FARP1: variants seen among roughly 807,000 people sequenced by gnomAD.
FARP1 encodes the protein FERM, ARHGEF and pleckstrin domain-containing protein 1.
A neutral mutation model predicts 128.8 loss-of-function variants in FARP1; 52 were observed. The observed-to-expected ratio is 0.40, with a 90% confidence interval of 0.32 to 0.51. The LOEUF (loss-of-function observed/expected upper bound fraction) is 0.51. FARP1 is among the 20% of genes least tolerant of loss of function. The probability of loss-of-function intolerance (pLI) is 0.45; values close to 1 mark genes in which losing one functional copy is unlikely to be tolerated. For missense variants in FARP1, 1,333 were observed against 1,367.9 expected (o/e 0.97, Z 0.40); for synonymous variants, 580 against 551.8 (o/e 1.05, Z -0.72).
intron 2 of FARP1, among the ~76,000 whole-genome samples, chr13:98,317,444 TCTC>T (rs1886769660): frequency 6.6e-6 from 1 of 152,180 alleles, no homozygotes; most frequent in African/African-American, 2.4e-5. Flanking sequence ...TTTTGGGTGG[TCTC>T]CTTCCTTGTT....
Position 98,451,682 on chromosome 13 carries a change from C to G in FARP1, c.*3365C>G, listed in dbSNP as rs1004286915. On this transcript the variant is annotated 3_prime_UTR_variant, in exon 27 of 27. Transcript: ENST00000319562. The stretch of plus-strand genomic sequence containing the variant: ...TGCTTCCAAAAATCCTGTCTTAACT[C>G]CACAAGAACTGGCACACCCACGGGA... The G allele has an allele frequency of 1.4e-4, 21 of 152,238 alleles. No homozygotes were observed. The highest frequency in any genetic ancestry group is 5.1e-4 in the African/African-American group (21 of 41,440). The allele number at this position is 152,238 out of a possible 1,614,324, so 9.4% of individuals were successfully genotyped here.
At position 98,205,584 on chromosome 13, in the gene FARP1, G is replaced by A. The variant is rs189520374; in HGVS notation, c.-23-7636G>A. Among the ~76,000 whole-genome samples, 639 of 152,108 alleles carry A rather than the reference G, an allele frequency of 4.2e-3. 1 individual carries two copies. The highest frequency in any genetic ancestry group is 0.014 in the African/African-American group (582 of 41,522). On this transcript the variant is annotated intron_variant, in intron 1 of 26. Transcript: ENST00000319562. ...ATTTTTTTGTATTTTTAGTAGAGAC[G>A]GGGTTTCACTGTGTTAGCCAGGGTG... is the stretch of plus-strand genomic sequence containing the variant.
At chr13:98,447,010 C>T (rs1159001265) in intron 26 of FARP1, 193 bp downstream of exon 26, 1 of 594,136 alleles carries the variant, frequency 1.7e-6, no homozygotes, top group South Asian at 2.0e-5. Context: ...TCCCAACTTC[C>T]CTGCGCCCTT....
chr13:98,404,399 A>T (rs1890898497), intron 13 of FARP1: 1 of 131,842 alleles, frequency 7.6e-6, no homozygotes, highest in Admixed American at 7.2e-5. Context: ...AGCTTTGCGT[A>T]TTCCACTGAG....
intron 1 of FARP1, among the ~76,000 whole-genome samples, chr13:98,145,241 C>T (rs1379351143): frequency 6.6e-6 from 1 of 152,078 alleles, no homozygotes; most frequent in Non-Finnish European, 1.5e-5. Context: ...GGCTGTGCCT[C>T]CTAGGGGCAG....
intron 2 of FARP1, among the ~76,000 whole-genome samples, chr13:98,226,900 A>AC (rs1300073345): frequency 1.3e-5 from 2 of 151,516 alleles, no homozygotes; most frequent in African/African-American, 4.8e-5. Context: ...TTTGAAAGCT[A>AC]CCAGGAGCAC....
intron 2 of FARP1, among the ~76,000 whole-genome samples, chr13:98,222,144 T>C (rs1346482617): frequency 6.6e-6 from 1 of 152,234 alleles, no homozygotes; most frequent in East Asian, 1.9e-4. Flanking sequence ...TAGGTCTCTG[T>C]TTCCTCATTT....
chr13:98,206,718 T>C (rs1880294062), intron 1 of FARP1, among the ~76,000 whole-genome samples: 1 of 152,232 alleles, frequency 6.6e-6, no homozygotes, highest in Admixed American at 6.5e-5. Context: ...TTTTTTACCT[T>C]TTCTCTGGCG....
intron 1 of FARP1, among the ~76,000 whole-genome samples, chr13:98,169,129 A>C (rs1877478775): frequency 6.6e-6 from 1 of 152,132 alleles, no homozygotes; most frequent in African/African-American, 2.4e-5. Flanking sequence ...CTTTCAACTA[A>C]TTTGTACTGA....
At chr13:98,189,060 G>T (rs1879066272) in intron 1 of FARP1, among the ~76,000 whole-genome samples, 1 of 152,118 alleles carries the variant, frequency 6.6e-6, no homozygotes, top group African/African-American at 2.4e-5. Context: ...CTGTGATGCA[G>T]GTCACTTCCC....
At chr13:98,337,538 CGTGTGTGTGTGTGTGT>C (rs60625244) in intron 2 of FARP1, among the ~76,000 whole-genome samples, 2,387 of 132,080 alleles carry the variant, frequency 0.018, 65 homozygotes, top group African/African-American at 0.061. Flanking sequence ...TCTGTGTAGC[CGTGTGTGTGTGTGTGT>C]GTGTGTGTGT....
At chr13:98,256,990 T>C (rs866318678) in intron 2 of FARP1, among the ~76,000 whole-genome samples, 6 of 114,262 alleles carry the variant, frequency 5.3e-5, no homozygotes, top group East Asian at 2.8e-4. Flanking sequence ...TATATATATA[T>C]ACCGAAAGAT....
In FARP1 at chr13:98,438,752, C is replaced by T. The variant is rs946246426; in HGVS notation, c.2275-52C>T. 9 of 1,482,804 alleles carry T rather than the reference C, an allele frequency of 6.1e-6. No individual in the cohort carries two copies. The African/African-American group carries it at 1.2e-4, about 21-fold the overall frequency. The allele number at this position is 1,482,804 out of a possible 1,614,324, so 91.9% of individuals were successfully genotyped here. A position where few individuals can be genotyped will look rare whatever the true frequency, so the allele number is the denominator to read the frequency against. On this transcript the variant is annotated intron_variant, in intron 19 of 26. Coordinates refer to ENST00000319562, the MANE Select transcript of FARP1 (RefSeq NM_005766.4). ...TCGGGGTCTGCACACTGGCCGTCAG[C>T]CCTTGGGGTCCGCACGCTCGCAGCC... is the stretch of plus-strand genomic sequence containing the variant.
intron 2 of FARP1, among the ~76,000 whole-genome samples, chr13:98,224,760 G>A (rs1005051136): frequency 2.0e-5 from 3 of 151,996 alleles, no homozygotes; most frequent in East Asian, 1.9e-4. Context: ...GAAGAGCCAG[G>A]GCACCCTCTG....
chr13:98,421,799 G>A lies in FARP1; in HGVS notation c.1827-2773G>A, dbSNP rs1891604015. Among the ~76,000 whole-genome samples the A allele has an allele frequency of 2.0e-5, 3 of 152,016 alleles. No homozygotes were observed. In the South Asian group the frequency reaches 6.2e-4, roughly 31 times the overall value. Reference sequence around the variant, plus strand: ...GACCAGGAGTTGGAGGCTGCAGTGAGCTATGATGATACCACCACACTCCAC... The same window carrying A: ...GACCAGGAGTTGGAGGCTGCAGTGAACTATGATGATACCACCACACTCCAC... On this transcript the variant is annotated intron_variant, in intron 16 of 26. Transcript: ENST00000319562.
rs1032506374 is a variant in FARP1 at position 98,343,890 on chromosome 13, A to C, written c.276+24A>C. 7 of 1,445,994 alleles carry C rather than the reference A, an allele frequency of 4.8e-6. No individual in the cohort carries two copies. In the African/African-American group the frequency reaches 8.4e-5, roughly 17 times the overall value. The allele number at this position is 1,445,994 out of a possible 1,614,324, so 89.6% of individuals were successfully genotyped here. Reference sequence around the variant, plus strand: ...CGGTAGGTGATGTCAACTTAATGTTACTATTTTACTGTCTGTTCATCTTGG... The same window carrying C: ...CGGTAGGTGATGTCAACTTAATGTTCCTATTTTACTGTCTGTTCATCTTGG... On this transcript the variant is annotated intron_variant, in intron 3 of 26. Coordinates refer to ENST00000319562, the MANE Select transcript of FARP1 (RefSeq NM_005766.4).
intron 1 of FARP1, among the ~76,000 whole-genome samples, chr13:98,209,472 A>ATTTT (rs534634730): frequency 1.0e-4 from 11 of 106,484 alleles, no homozygotes; most frequent in African/African-American, 3.9e-4. Flanking sequence ...GGGAGGAAAG[A>ATTTT]TTTTTTTTTT....
intron 2 of FARP1, among the ~76,000 whole-genome samples, chr13:98,274,129 G>A (rs1380565905): frequency 2.0e-5 from 3 of 152,078 alleles, no homozygotes; most frequent in Admixed American, 6.6e-5. Context: ...TGCTTTTCTC[G>A]TCATACTTTG....
chr13:98,290,140 G>T (rs1373816712), intron 2 of FARP1, among the ~76,000 whole-genome samples: 1 of 151,226 alleles, frequency 6.6e-6, no homozygotes, highest in Non-Finnish European at 1.5e-5. Context: ...CCTTACTTCT[G>T]GGGGATTTCC....
Sources: gnomAD v4.1 joint callset for allele counts (sites outside exome capture counted in the v4.1 genomes callset) on GRCh38, gnomAD v4.1.1 for gene constraint, MANE v1.5 for transcripts, NCBI Gene and HGNC (gene_info 2026-07-23, HGNC 2026-07-21) for gene names.